Variants in EEIG2 observed in about 807,000 individuals in gnomAD.
EEIG2 encodes family with sequence similarity 102 member B.
At chr1:108,635,162 G>A in the EEIG2 span, 1 of 1,614,146 alleles carries the variant, frequency 6.2e-7, no homozygotes, top group Admixed American at 1.7e-5. Flanking sequence ...AGTCAAGTCG[G>A]TGAAAACATT....
chr1:108,589,137 G>A, the EEIG2 span, among the ~76,000 whole-genome samples: 1 of 151,588 alleles, frequency 6.6e-6, no homozygotes, highest in Non-Finnish European at 1.5e-5. Flanking sequence ...TCCTGTTCAG[G>A]GCCAGTCCCC....
chr1:108,630,256 G>T, the EEIG2 span, among the ~76,000 whole-genome samples: 5 of 152,202 alleles, frequency 3.3e-5, no homozygotes, highest in African/African-American at 1.2e-4. Context: ...AACCTTTCTT[G>T]TACTCTCCTT....
At chr1:108,562,262 A>G in the EEIG2 span, among the ~76,000 whole-genome samples, 2 of 152,172 alleles carry the variant, frequency 1.3e-5, no homozygotes, top group South Asian at 2.1e-4. Flanking sequence ...ATCGTGTGCC[A>G]TATATGAAAG....
the EEIG2 span, among the ~76,000 whole-genome samples, chr1:108,578,030 G>C: frequency 1.3e-5 from 2 of 149,228 alleles, 1 homozygote; most frequent in Non-Finnish European, 3.0e-5. Flanking sequence ...TTGTAAGTTG[G>C]ATTCCTAGGT....
At chr1:108,579,531 C>A in the EEIG2 span, among the ~76,000 whole-genome samples, 3 of 147,512 alleles carry the variant, frequency 2.0e-5, no homozygotes, top group Non-Finnish European at 4.5e-5. Context: ...GACAGATCAA[C>A]GAGACAGAAA....
chr1:108,570,968 C>T, the EEIG2 span, among the ~76,000 whole-genome samples: 2 of 152,236 alleles, frequency 1.3e-5, no homozygotes, highest in East Asian at 3.9e-4. Context: ...CTTGGGATTA[C>T]TTCAGTAGAG....
At chr1:108,623,207 C>G in the EEIG2 span, among the ~76,000 whole-genome samples, 1 of 152,182 alleles carries the variant, frequency 6.6e-6, no homozygotes, top group Non-Finnish European at 1.5e-5. Context: ...GGCACCATGG[C>G]TCACATCTGT....
the EEIG2 span, among the ~76,000 whole-genome samples, chr1:108,595,428 GGA>G: frequency 7.0e-6 from 1 of 142,908 alleles, no homozygotes; most frequent in African/African-American, 2.6e-5. Flanking sequence ...GGAGAGAGGA[GGA>G]AAGGAGGGAG....
At chr1:108,593,504 T>G in the EEIG2 span, among the ~76,000 whole-genome samples, 1 of 152,220 alleles carries the variant, frequency 6.6e-6, no homozygotes, top group African/African-American at 2.4e-5. Context: ...AAATGCAGTC[T>G]TTTAACTGGA....
At chr1:108,589,819 CTCAGTTTG>C in the EEIG2 span, among the ~76,000 whole-genome samples, 1 of 105,682 alleles carries the variant, frequency 9.5e-6, no homozygotes, top group Non-Finnish European at 1.7e-5. Flanking sequence ...GAGACAAGAT[CTCAGTTTG>C]TCACCCAGTC....
At chr1:108,571,137 C>T in the EEIG2 span, among the ~76,000 whole-genome samples, 1 of 152,188 alleles carries the variant, frequency 6.6e-6, no homozygotes. Context: ...AAAACAGCTA[C>T]TTCACTGTCA....
the EEIG2 span, among the ~76,000 whole-genome samples, chr1:108,579,709 C>A: frequency 6.7e-6 from 1 of 149,696 alleles, no homozygotes; most frequent in South Asian, 2.1e-4. Flanking sequence ...CCAAGCAAGT[C>A]TGTCAGTGCT....
chr1:108,579,772 T>TGTGAGAGAGAGAGAGAGAGAGAGAGAGA, the EEIG2 span, among the ~76,000 whole-genome samples: 215 of 58,814 alleles, frequency 3.7e-3, 3 homozygotes, highest in African/African-American at 0.01. Context: ...TGTGTGTGTG[T>TGTGAGAGAGAGAGAGAGAGAGAGAGAGA]GAGAGAGAGA....
chr1:108,600,782 T>C, the EEIG2 span: 4 of 1,344,790 alleles, frequency 3.0e-6, no homozygotes, highest in Non-Finnish European at 4.1e-6. Flanking sequence ...ATCTGTTTCA[T>C]TAGAACTGTA....
chr1:108,609,921 G>A, the EEIG2 span, among the ~76,000 whole-genome samples: 1 of 152,180 alleles, frequency 6.6e-6, no homozygotes, highest in East Asian at 1.9e-4. Flanking sequence ...GGCGGGAGGA[G>A]CAAGAGCATC....
the EEIG2 span, among the ~76,000 whole-genome samples, chr1:108,570,832 A>G: frequency 4.1e-4 from 63 of 152,180 alleles, no homozygotes; most frequent in Admixed American, 8.5e-4. Context: ...AAGATAAATA[A>G]GGAAAATATG....
the EEIG2 span, chr1:108,628,350 A>T: frequency 6.2e-7 from 1 of 1,611,232 alleles, no homozygotes; most frequent in East Asian, 2.2e-5. Context: ...CAGATTGCAG[A>T]GTGTTTGATA....
chr1:108,614,757 A>G, the EEIG2 span, among the ~76,000 whole-genome samples: 15 of 152,334 alleles, frequency 9.8e-5, no homozygotes, highest in African/African-American at 3.6e-4. Context: ...CCTCATCAAC[A>G]TATAAAGAAA....
chr1:108,578,648 G>A, the EEIG2 span, among the ~76,000 whole-genome samples: 21,141 of 151,652 alleles, frequency 0.14, 2,244 homozygotes, highest in African/African-American at 0.29. Flanking sequence ...CAGATTCACC[G>A]AAGTTGAAAT....
Sources: allele counts gnomAD v4.1 joint callset (sites outside exome capture counted in the v4.1 genomes callset), GRCh38; gene constraint gnomAD v4.1.1; transcripts MANE v1.5; gene names NCBI Gene and HGNC (gene_info 2026-07-23, HGNC 2026-07-21).